The following DMXL2 variants were observed in gnomAD, a reference collection of about 807,000 sequenced individuals.
DMXL2 encodes dmX-like protein 2.
DMXL2 carries 103 observed loss-of-function variants against 331.1 expected under a neutral mutation model. The observed-to-expected ratio is 0.31, with a 90% CI of 0.27 to 0.37. The LOEUF is 0.37. Among genes scored for constraint, DMXL2 ranks in the 10% least tolerant of loss-of-function variants. The pLI is 1.00. For synonymous variants in DMXL2, 1,281 were observed against 1,252.1 expected, an observed-to-expected ratio of 1.02 and a Z score of -0.49; for missense variants, 3,171 against 3,642.9, an observed-to-expected ratio of 0.87 and a Z score of 3.33.
chr15:51,457,411 T>C lies in DMXL2; in HGVS notation c.8254A>G (p.Thr2752Ala), dbSNP rs773992091. ...TGCACCTGACTTGCTGAATAGGATG[T>C]TGCACTGGGTTGATAAAGAGTTGTA... ...STTTLYQPSATSYSASQVHPP... is the reference protein window; with the variant it reads ...STTTLYQPSAASYSASQVHPP... The change falls in exon 37 of 44, where the codon ACA (threonine) becomes GCA (alanine). Residue 2752 changes from threonine to alanine, a missense_variant. This residue lies in a region of DMXL2 where 766 missense variants were observed against 940.5 expected (regional missense o/e 0.81). Coordinates refer to ENST00000560891, the MANE Select transcript of DMXL2 (RefSeq NM_001378457.1). 1.9e-6 allele frequency: 3 copies of C among 1,614,084 alleles called. No individual in the cohort carries two copies. The highest frequency in any genetic ancestry group is 4.5e-5 in the East Asian group (2 of 44,900).
At position 51,538,336 on chromosome 15, in the gene DMXL2, T is replaced by C. The variant is rs2048397583; in HGVS notation, c.1222A>G (p.Met408Val). ...FHFTSSTEVF[M>V]HQLRKLSDKQ... ...TCAGAAAGTTTTCGTAATTGATGCATAAATACTTCTGTAGATGATGTAAAA... is the reference window on the plus strand; with the variant it reads ...TCAGAAAGTTTTCGTAATTGATGCACAAATACTTCTGTAGATGATGTAAAA... The change falls in exon 10 of 44, where the codon ATG becomes GTG. Residue 408 changes from methionine to valine, a missense_variant. Met to Val is a conservative substitution (Grantham distance 21). Transcript: ENST00000560891. The C allele has an allele frequency of 4.3e-6, 7 of 1,613,902 alleles. No homozygotes were observed. The highest frequency in any genetic ancestry group is 5.1e-6 in the Non-Finnish European group (6 of 1,179,842).
intron 11 of DMXL2, 87 bp from the exon 12 acceptor site, chr15:51,536,949 C>T: frequency 8.6e-7 from 1 of 1,157,420 alleles, no homozygotes; most frequent in Non-Finnish European, 1.2e-6. Context: ...CAAATCTCAG[C>T]TTCTTATCAA....
intron 13 of DMXL2, among the ~76,000 whole-genome samples, chr15:51,529,982 A>C (rs2047908568): frequency 6.6e-6 from 1 of 152,188 alleles, no homozygotes; most frequent in African/African-American, 2.4e-5. Context: ...CATCAACAGA[A>C]TGAAGGACAA....
At chr15:51,552,924 A>T (rs1179353371) in intron 6 of DMXL2, among the ~76,000 whole-genome samples, 3 of 152,220 alleles carry the variant, frequency 2.0e-5, no homozygotes, top group African/African-American at 7.2e-5. Flanking sequence ...GCTCTTTAAC[A>T]AGCCCTGCTA....
chr15:51,502,772 G>T (rs2043765601), intron 17 of DMXL2, 34 bp downstream of exon 17: 3 of 1,438,084 alleles, frequency 2.1e-6, no homozygotes, highest in South Asian at 1.1e-5. Context: ...TTATCACTCT[G>T]AGCTACCACT....
At position 51,576,134 on chromosome 15, in the gene DMXL2, T is replaced by C; in HGVS notation, c.135A>G (p.Glu45=). The change falls in exon 2 of 44, where the codon GAA becomes GAG. Residue 45 remains glutamate, a synonymous_variant. Transcript: ENST00000560891. ...TAGCACCAGGAATGATCTGTACACA[T>C]TCAAAGTCATTTGCCAAAATAACAA... ...CDIVILANDF[E]CVQIIPGAKH... 2.0e-6 allele frequency: 3 copies of C among 1,517,388 alleles called. No individual in the cohort carries two copies. Among genetic ancestry groups the C allele is most frequent in the African/African-American group, 1.5e-5 (1 of 64,772 alleles). The allele number at this position is 1,517,388 out of a possible 1,614,324, so 94.0% of individuals were successfully genotyped here. A position where few individuals can be genotyped will look rare whatever the true frequency, so the allele number is the denominator to read the frequency against.
At chr15:51,479,111 C>T (rs955810797) in intron 25 of DMXL2, among the ~76,000 whole-genome samples, 3 of 152,050 alleles carry the variant, frequency 2.0e-5, no homozygotes, top group Non-Finnish European at 4.4e-5. Context: ...GCCTTTTCTG[C>T]GTGTCCCTAT....
At chr15:51,599,580 C>T (rs2053081493) in intron 1 of DMXL2, among the ~76,000 whole-genome samples, 1 of 152,214 alleles carries the variant, frequency 6.6e-6, no homozygotes, top group African/African-American at 2.4e-5. Flanking sequence ...TGCATGTATA[C>T]ATACACACAT....
At chr15:51,609,411 G>A (rs556110562) in intron 1 of DMXL2, among the ~76,000 whole-genome samples, 9 of 152,134 alleles carry the variant, frequency 5.9e-5, no homozygotes, top group Admixed American at 1.3e-4. Flanking sequence ...ATTCTACAAC[G>A]GACCCGGTCT....
chr15:51,579,524 G>C (rs555323936), intron 1 of DMXL2, among the ~76,000 whole-genome samples: 3 of 152,124 alleles, frequency 2.0e-5, no homozygotes, highest in Non-Finnish European at 4.4e-5. Flanking sequence ...ACCTTACCTT[G>C]TCCTTGTTTA....
intron 1 of DMXL2, among the ~76,000 whole-genome samples, chr15:51,588,187 T>A (rs1380654137): frequency 6.6e-6 from 1 of 150,712 alleles, no homozygotes; most frequent in African/African-American, 2.4e-5. Flanking sequence ...AGATGAGGTC[T>A]CACCCTGTCC....
At chr15:51,564,307 G>T in intron 4 of DMXL2, 47 bp from the exon 5 acceptor site, 5 of 1,403,292 alleles carry the variant, frequency 3.6e-6, no homozygotes, top group Non-Finnish European at 4.8e-6. Context: ...ATTATATAGG[G>T]AAATAAATGC....
chr15:51,571,534 A>G (rs1000929488), intron 2 of DMXL2, among the ~76,000 whole-genome samples: 1 of 152,230 alleles, frequency 6.6e-6, no homozygotes, highest in Non-Finnish European at 1.5e-5. Flanking sequence ...CATAATTGGA[A>G]GTAAAACACT....
At chr15:51,487,330 G>A (rs1035132244) in intron 22 of DMXL2, among the ~76,000 whole-genome samples, 2 of 152,184 alleles carry the variant, frequency 1.3e-5, no homozygotes, top group African/African-American at 4.8e-5. Flanking sequence ...AGGAGGTTGT[G>A]ACCTATGTAC....
At chr15:51,469,844 T>C (rs998511159) in intron 29 of DMXL2, among the ~76,000 whole-genome samples, 5 of 152,212 alleles carry the variant, frequency 3.3e-5, no homozygotes, top group Admixed American at 1.3e-4. Context: ...TGCAACTCAA[T>C]TGGCAGCCTT....
chr15:51,604,366 T>C (rs1264647414), intron 1 of DMXL2, among the ~76,000 whole-genome samples: 12 of 145,084 alleles, frequency 8.3e-5, no homozygotes, highest in Non-Finnish European at 1.7e-4. Context: ...TTGCAGCTAG[T>C]GTGGATATCT....
intron 1 of DMXL2, among the ~76,000 whole-genome samples, chr15:51,586,225 G>A (rs1320894931): frequency 6.6e-6 from 1 of 152,180 alleles, no homozygotes; most frequent in Non-Finnish European, 1.5e-5. Flanking sequence ...AATAACGACT[G>A]CTTGTGTGGT....
At chr15:51,527,761 C>A (rs1186626037) in intron 13 of DMXL2, among the ~76,000 whole-genome samples, 1 of 148,654 alleles carries the variant, frequency 6.7e-6, no homozygotes, top group South Asian at 2.1e-4. Context: ...GTACAAAACT[C>A]ACTGGTAATA....
intron 19 of DMXL2, among the ~76,000 whole-genome samples, chr15:51,494,727 G>A (rs895757705): frequency 2.0e-5 from 3 of 152,120 alleles, no homozygotes; most frequent in African/African-American, 7.2e-5. Flanking sequence ...GATATTCAGG[G>A]CTACTCTGTA....
Sources: allele counts gnomAD v4.1 joint callset (sites outside exome capture counted in the v4.1 genomes callset), GRCh38; gene constraint gnomAD v4.1.1; regional missense constraint gnomAD v4.1.1; transcripts MANE v1.5; gene names NCBI Gene and HGNC (gene_info 2026-07-23, HGNC 2026-07-21).